Variants in DNAI3 observed in about 807,000 individuals in gnomAD.
The protein encoded by DNAI3 is WD repeat domain 63.
DNAI3 carries 83 observed loss-of-function variants against 115.5 expected under a neutral mutation model. The ratio of observed to expected loss-of-function variants is 0.72; its 90% CI spans 0.60 to 0.86. The LOEUF (loss-of-function observed/expected upper bound fraction) is 0.86. Ranked by LOEUF, DNAI3 falls within the 40% of genes least tolerant of loss-of-function variation. The pLI, the probability that DNAI3 is intolerant of heterozygous loss-of-function variation, is 0.00. For missense variants in DNAI3, 1,004 were observed against 1,075.8 expected (o/e 0.93, Z 0.93); for synonymous variants, 320 against 347.0 (o/e 0.92, Z 0.86).
In DNAI3 at chr1:85,082,303, T is replaced by A. The variant is rs779682307; in HGVS notation, c.289T>A (p.Tyr97Asn). Reference sequence around the variant, plus strand: ...TATCTCAATTATATTCTTGTAGGAATATCCTGGAAATGAGCTTCTGCTTGT... The same window carrying A: ...TATCTCAATTATATTCTTGTAGGAAAATCCTGGAAATGAGCTTCTGCTTGT... ...FHPVKKIVQEYPGNELLLVYD... is the reference protein window; with the variant it reads ...FHPVKKIVQENPGNELLLVYD... Residue 97 changes from tyrosine to asparagine, a missense_variant, in exon 5 of 23, where the codon TAT (tyrosine) becomes AAT (asparagine). Physicochemically the swap from Tyr to Asn is moderately radical, Grantham distance 143. This residue lies in a region of DNAI3 where 550 missense variants were observed against 568.1 expected (regional missense o/e 0.97). Transcript: ENST00000294664. 1.6e-5 allele frequency: 25 copies of A among 1,610,396 alleles called. No homozygotes were observed. The highest frequency in any genetic ancestry group is 2.1e-5 in the Non-Finnish European group (25 of 1,177,390).
intron 7 of DNAI3, 60 bp downstream of exon 7, chr1:85,086,090 C>T: frequency 6.8e-7 from 1 of 1,480,964 alleles, no homozygotes; most frequent in Non-Finnish European, 9.3e-7. Context: ...CTAGTAACTT[C>T]CATTATTATT....
intron 6 of DNAI3, 93 bp from the exon 7 acceptor site, chr1:85,085,738 C>G: frequency 1.9e-6 from 2 of 1,047,344 alleles, no homozygotes; most frequent in South Asian, 3.1e-5. Flanking sequence ...AGAAAGTGCA[C>G]AAAGGGCTCT....
chr1:85,113,545 T>C (rs1339738369), intron 16 of DNAI3, among the ~76,000 whole-genome samples: 1 of 152,240 alleles, frequency 6.6e-6, no homozygotes, highest in Non-Finnish European at 1.5e-5. Context: ...TAAACTCTAT[T>C]CTGTTCCATT....
chr1:85,102,090 G>A (rs1655344010), intron 13 of DNAI3, among the ~76,000 whole-genome samples: 1 of 151,976 alleles, frequency 6.6e-6, no homozygotes, highest in African/African-American at 2.4e-5. Flanking sequence ...GTTAATTAAT[G>A]GGTACAAATA....
At chr1:85,103,533 T>G (rs924691085) in intron 13 of DNAI3, among the ~76,000 whole-genome samples, 8 of 152,172 alleles carry the variant, frequency 5.3e-5, no homozygotes, top group Non-Finnish European at 1.0e-4. Flanking sequence ...AGAGCCTACA[T>G]TTCTAATAAT....
chr1:85,121,059 T>C (rs1655981059), intron 17 of DNAI3, among the ~76,000 whole-genome samples: 1 of 152,178 alleles, frequency 6.6e-6, no homozygotes, highest in Non-Finnish European at 1.5e-5. Flanking sequence ...GAGCAAGTCA[T>C]TTAACCTCTC....
intron 16 of DNAI3, among the ~76,000 whole-genome samples, chr1:85,113,888 G>A (rs961774900): frequency 2.0e-5 from 3 of 151,900 alleles, no homozygotes; most frequent in Non-Finnish European, 4.4e-5. Flanking sequence ...ACAGTGTACA[G>A]GTCTTTCACC....
intron 1 of DNAI3, among the ~76,000 whole-genome samples, chr1:85,066,820 G>GA (rs949335718): frequency 6.6e-6 from 1 of 151,960 alleles, no homozygotes; most frequent in Non-Finnish European, 1.5e-5. Context: ...TTAATTTTAT[G>GA]AAAAAAACTT....
At chr1:85,084,817 T>C (rs560036699) in intron 6 of DNAI3, 122 bp downstream of exon 6, 3 of 1,042,196 alleles carry the variant, frequency 2.9e-6, no homozygotes, top group African/African-American at 1.7e-5. Context: ...TGTGTTGTTT[T>C]GGTTTGCTTT....
In DNAI3 at chr1:85,090,139, C is replaced by T. The variant is rs149091067; in HGVS notation, c.764C>T (p.Thr255Met). 7.9e-5 allele frequency: 124 copies of T among 1,573,722 alleles called. No individual in the cohort carries two copies. The highest frequency in any genetic ancestry group is 6.8e-4 in the Middle Eastern group (4 of 5,868). The change falls in exon 8 of 23, where the codon ACG (threonine) becomes ATG (methionine). Residue 255 changes from threonine (T) to methionine (M), a missense_variant. Physicochemically the swap from Thr to Met is moderately conservative, Grantham distance 81. This residue lies in a region of DNAI3 where 550 missense variants were observed against 568.1 expected (regional missense o/e 0.97). Coordinates refer to ENST00000294664, the MANE Select transcript of DNAI3 (RefSeq NM_145172.5). ...TKWTYPKNATTQYYPREFSEE... is the reference protein window; with the variant it reads ...TKWTYPKNATMQYYPREFSEE... ...AGGACATATCCTAAAAATGCTACTA[C>T]GCAATATTATCCAAGAGAATTCTCA...
chr1:85,124,044 G>T (rs1014891991), intron 18 of DNAI3, 77 bp from the exon 19 acceptor site: 10 of 1,583,030 alleles, frequency 6.3e-6, no homozygotes, highest in Non-Finnish European at 8.6e-6. Flanking sequence ...TCTGTCCATT[G>T]GAGGTCTGTC....
At chr1:85,097,243 C>T (rs1262866785) in intron 11 of DNAI3, among the ~76,000 whole-genome samples, 4 of 152,204 alleles carry the variant, frequency 2.6e-5, no homozygotes, top group Middle Eastern at 6.8e-3. Flanking sequence ...AGCAACTGTC[C>T]CTACAATCAT....
intron 1 of DNAI3, among the ~76,000 whole-genome samples, chr1:85,064,037 A>G (rs1017730979): frequency 3.9e-5 from 6 of 152,206 alleles, no homozygotes; most frequent in African/African-American, 1.4e-4. Context: ...AACCACAGCT[A>G]GATTTTGTTA....
chr1:85,104,295 T>C (rs999781169), intron 13 of DNAI3, among the ~76,000 whole-genome samples: 5 of 152,114 alleles, frequency 3.3e-5, no homozygotes, highest in African/African-American at 7.2e-5. Context: ...TAATTTTTTG[T>C]ATTTTTAGTA....
intron 19 of DNAI3, among the ~76,000 whole-genome samples, chr1:85,125,566 G>A (rs1259463942): frequency 1.4e-5 from 2 of 147,636 alleles, no homozygotes; most frequent in African/African-American, 5.0e-5. Flanking sequence ...AGCAAGTTTT[G>A]TAGTTAAAGA....
intron 20 of DNAI3, among the ~76,000 whole-genome samples, chr1:85,127,192 C>A (rs1326039320): frequency 6.6e-6 from 1 of 152,068 alleles, no homozygotes; most frequent in Non-Finnish European, 1.5e-5. Context: ...TGGCTAATAT[C>A]AAGCAATTCT....
Position 85,129,996 on chromosome 1 carries a change from A to G in DNAI3, c.2416A>G (p.Ser806Gly), listed in dbSNP as rs1204398513. 6.2e-7 allele frequency: 1 copy of G among 1,611,860 alleles called. No individual in the cohort carries two copies. The highest frequency in any genetic ancestry group is 1.3e-5 in the African/African-American group (1 of 74,914). ...LSRPSTNEMA[S>G]VNHYFEREVK... ...GGACTTCTGTTTCTAACAGATGGCA[A>G]GTGTCAACCACTATTTTGAAAGAGA... Residue 806 changes from serine (S) to glycine (G), a missense_variant, in exon 22 of 23, where the codon AGT becomes GGT. Physicochemically the swap from Ser to Gly is moderately conservative, Grantham distance 56. Around this residue, in one of 3 missense-constraint regions of DNAI3, gnomAD observed 429 missense variants for 454.3 expected, o/e 0.94. Coordinates refer to ENST00000294664, the MANE Select transcript of DNAI3 (RefSeq NM_145172.5).
At chr1:85,095,892 T>A (rs781532264) in intron 10 of DNAI3, 39 bp from the exon 11 acceptor site, 1 of 1,567,464 alleles carries the variant, frequency 6.4e-7, no homozygotes, top group Non-Finnish European at 8.8e-7. Flanking sequence ...TCTTAATCTC[T>A]TTTCTCATTC....
chr1:85,095,812 T>C (rs770369174), intron 10 of DNAI3, 119 bp from the exon 11 acceptor site: 4 of 943,450 alleles, frequency 4.2e-6, no homozygotes, highest in Non-Finnish European at 6.6e-6. Flanking sequence ...ATAGACTCTC[T>C]ACGCACCTTG....
Sources: gnomAD v4.1 joint callset for allele counts (sites outside exome capture counted in the v4.1 genomes callset) on GRCh38, gnomAD v4.1.1 for gene constraint, gnomAD v4.1.1 regional missense constraint, MANE v1.5 for transcripts, NCBI Gene and HGNC (gene_info 2026-07-23, HGNC 2026-07-21) for gene names.